The following PPAT variants were observed in gnomAD, a reference collection of about 807,000 sequenced individuals.
The protein encoded by PPAT is amidophosphoribosyltransferase.
In PPAT, 20 loss-of-function variants were observed where a neutral mutation model predicts 60.2. That is an observed-to-expected ratio of 0.33 (90% CI 0.23 to 0.48). The LOEUF (loss-of-function observed/expected upper bound fraction) is 0.48. PPAT is among the 20% of genes least tolerant of loss of function. The pLI, the probability that PPAT is intolerant of heterozygous loss-of-function variation, is 0.99. For missense variants in PPAT, 349 were observed against 629.6 expected, an observed-to-expected ratio of 0.55 and a Z score of 4.77; for synonymous variants, 194 against 215.1, an observed-to-expected ratio of 0.90 and a Z score of 0.86.
chr4:56,405,110 G>C (rs1020791732), intron 3 of PPAT, among the ~76,000 whole-genome samples: 1 of 143,968 alleles, frequency 6.9e-6, no homozygotes, highest in Admixed American at 6.8e-5. Context: ...AAAAAAAAAA[G>C]AAAGATGAAA....
At chr4:56,415,577 T>G (rs1328208528) in intron 1 of PPAT, among the ~76,000 whole-genome samples, 1 of 152,184 alleles carries the variant, frequency 6.6e-6, no homozygotes, top group Non-Finnish European at 1.5e-5. Context: ...ATAATTTAAC[T>G]TCTGGAAACT....
chr4:56,417,599 A>C (rs1475912771), intron 1 of PPAT, among the ~76,000 whole-genome samples: 1 of 152,114 alleles, frequency 6.6e-6, no homozygotes, highest in Non-Finnish European at 1.5e-5. Context: ...TGGGCAACAC[A>C]GTGAGACCCC....
intron 1 of PPAT, chr4:56,420,743 T>C (rs1050544822): frequency 1.7e-4 from 26 of 152,170 alleles, no homozygotes; most frequent in Admixed American, 6.5e-5. Context: ...TAGAAAAATA[T>C]AAAATACATG....
intron 1 of PPAT, among the ~76,000 whole-genome samples, chr4:56,408,770 A>G (rs894807799): frequency 6.1e-5 from 9 of 146,450 alleles, no homozygotes; most frequent in Non-Finnish European, 1.2e-4. Context: ...AAAAAAAAAA[A>G]AAGTTAGCTT....
intron 7 of PPAT, 151 bp downstream of exon 7, chr4:56,401,179 A>G (rs1174019855): frequency 3.7e-6 from 3 of 809,582 alleles, no homozygotes; most frequent in Non-Finnish European, 5.6e-6. Flanking sequence ...AAAAATAGTG[A>G]TCTTATGACT....
At chr4:56,414,557 C>A (rs774463698) in intron 1 of PPAT, among the ~76,000 whole-genome samples, 1 of 152,224 alleles carries the variant, frequency 6.6e-6, no homozygotes, top group Non-Finnish European at 1.5e-5. Flanking sequence ...AAGACTTTCA[C>A]TTTAAAATCT....
chr4:56,426,857 A>G (rs1418721552), intron 1 of PPAT, among the ~76,000 whole-genome samples: 1 of 152,132 alleles, frequency 6.6e-6, no homozygotes, highest in Non-Finnish European at 1.5e-5. Flanking sequence ...CTTTTTCATC[A>G]TTCCAAACTG....
intron 1 of PPAT, among the ~76,000 whole-genome samples, chr4:56,426,964 T>C (rs1717321030): frequency 6.6e-6 from 1 of 152,224 alleles, no homozygotes; most frequent in South Asian, 2.1e-4. Flanking sequence ...AATTTGACTA[T>C]TCTAGGTACC....
At chr4:56,431,910 CAT>C (rs1717602389) in intron 1 of PPAT, among the ~76,000 whole-genome samples, 2 of 152,162 alleles carry the variant, frequency 1.3e-5, no homozygotes, top group African/African-American at 4.8e-5. Flanking sequence ...TACCCACACA[CAT>C]GCATGCACAG....
At chr4:56,429,975 C>T (rs1717496958) in intron 1 of PPAT, among the ~76,000 whole-genome samples, 1 of 151,994 alleles carries the variant, frequency 6.6e-6, no homozygotes. Flanking sequence ...AATATACATC[C>T]CAGCCAGGTG....
At chr4:56,398,738 CTG>C (rs1225547184) in intron 9 of PPAT, among the ~76,000 whole-genome samples, 1 of 152,196 alleles carries the variant, frequency 6.6e-6, no homozygotes, top group Non-Finnish European at 1.5e-5. Context: ...GCATGAGTCA[CTG>C]TGCCCAGCCT....
At chr4:56,395,674 T>TA (rs3036882) in intron 10 of PPAT, 126 bp from the exon 11 acceptor site, 13,900 of 465,954 alleles carry the variant, frequency 0.03, 189 homozygotes, top group African/African-American at 0.094. Context: ...AGCCTTTCTT[T>TA]AAAAAAAAAA....
chr4:56,417,133 G>T (rs1452797998), intron 1 of PPAT, among the ~76,000 whole-genome samples: 1 of 152,182 alleles, frequency 6.6e-6, no homozygotes, highest in East Asian at 1.9e-4. Flanking sequence ...ACAGGCGTGA[G>T]CCACTGCACC....
rs534247628 is a variant in PPAT at position 56,420,075 on chromosome 4, A to G, written c.129-12359T>C. Reference sequence around the variant, plus strand: ...TAGGAAGGTGAAGAAAAATAATCTTAACATCATGTTACATCACACAGGTTC... The same window carrying G: ...TAGGAAGGTGAAGAAAAATAATCTTGACATCATGTTACATCACACAGGTTC... On this transcript the variant is annotated intron_variant, in intron 1 of 10. Coordinates refer to ENST00000264220, the MANE Select transcript of PPAT (RefSeq NM_002703.5). The G allele has an allele frequency of 7.0e-4, 569 of 816,254 alleles. 4 individuals carry two copies. The African/African-American group carries it at 9.5e-3, about 14-fold the overall frequency. The allele number at this position is 816,254 out of a possible 1,614,324, so 50.6% of individuals were successfully genotyped here.
At chr4:56,411,406 T>C (rs984705958) in intron 1 of PPAT, among the ~76,000 whole-genome samples, 2 of 152,176 alleles carry the variant, frequency 1.3e-5, no homozygotes, top group Admixed American at 1.3e-4. Flanking sequence ...CAAGAACAGC[T>C]CCATTTTAAC....
At chr4:56,411,404 G>A (rs9684143) in intron 1 of PPAT, among the ~76,000 whole-genome samples, 9,471 of 152,198 alleles carry the variant, frequency 0.062, 408 homozygotes, top group Admixed American at 0.095. Flanking sequence ...TACAAGAACA[G>A]CTCCATTTTA....
chr4:56,435,253 C>G (rs1717837925), intron 1 of PPAT, 97 bp downstream of exon 1: 1 of 1,557,510 alleles, frequency 6.4e-7, no homozygotes, highest in Non-Finnish European at 8.7e-7. Context: ...GAGGTCGGTC[C>G]TCCCGGGCCC....
intron 1 of PPAT, among the ~76,000 whole-genome samples, chr4:56,416,748 A>C (rs1489249670): frequency 6.6e-6 from 1 of 152,216 alleles, no homozygotes; most frequent in Non-Finnish European, 1.5e-5. Flanking sequence ...CAAGGAATTA[A>C]GACAAACAGA....
At chr4:56,407,581 G>A (rs1716277391) in intron 2 of PPAT, 69 bp downstream of exon 2, 4 of 1,322,522 alleles carry the variant, frequency 3.0e-6, no homozygotes, top group South Asian at 1.2e-5. Context: ...GCCTGCCAAA[G>A]TCCTGGGATT....
Sources: gnomAD v4.1 joint callset for allele counts (sites outside exome capture counted in the v4.1 genomes callset) on GRCh38, gnomAD v4.1.1 for gene constraint, MANE v1.5 for transcripts, NCBI Gene and HGNC (gene_info 2026-07-23, HGNC 2026-07-21) for gene names.